The following TECPR2 variants were observed in gnomAD, a reference collection of about 807,000 sequenced individuals.
The protein encoded by TECPR2 is tectonin beta-propeller repeat-containing protein 2.
A neutral mutation model predicts 138.1 loss-of-function variants in TECPR2; 65 were observed. The observed-to-expected ratio is 0.47, with a 90% confidence interval of 0.39 to 0.58. TECPR2 has a LOEUF of 0.58. Among genes scored for constraint, TECPR2 ranks in the 20% least tolerant of loss-of-function variants. TECPR2 has a pLI of 0.00. For missense variants in TECPR2, 1,553 were observed against 1,824.5 expected (o/e 0.85, Z 2.71); for synonymous variants, 746 against 749.8 (o/e 0.99, Z 0.08).
In TECPR2 at chr14:102,438,143, G is replaced by A. The variant is rs1453597319; in HGVS notation, c.2516G>A (p.Gly839Asp). The A allele has an allele frequency of 1.9e-6, 3 of 1,613,556 alleles. No individual in the cohort carries two copies. The African/African-American group carries it at 4.0e-5, about 22-fold the overall frequency. Residue 839 changes from glycine to aspartate, a missense_variant, in exon 10 of 20, where the codon GGC (glycine) becomes GAC (aspartate). By Grantham distance (94) the Gly-to-Asp change is moderately conservative. Transcript: ENST00000359520. The part of the protein sequence containing the change: ...KGGLFCSALP[G>D]AGLRWQKFED... Reference sequence around the variant, plus strand: ...GGCCTGTTCTGCAGCGCGTTGCCGGGCGCCGGGCTGCGCTGGCAGAAGTTT... The same window carrying A: ...GGCCTGTTCTGCAGCGCGTTGCCGGACGCCGGGCTGCGCTGGCAGAAGTTT...
At chr14:102,413,522 G>T (rs1376260581) in intron 4 of TECPR2, among the ~76,000 whole-genome samples, 5 of 151,854 alleles carry the variant, frequency 3.3e-5, no homozygotes, top group Non-Finnish European at 7.4e-5. Flanking sequence ...GGGATTACAG[G>T]CATGTGCCAC....
intron 4 of TECPR2, among the ~76,000 whole-genome samples, chr14:102,410,476 A>AAT (rs1888804527): frequency 1.4e-5 from 1 of 73,062 alleles, no homozygotes; most frequent in Non-Finnish European, 3.6e-5. Context: ...AAATTAAAAA[A>AAT]AAAAATAAAA....
intron 12 of TECPR2, among the ~76,000 whole-genome samples, chr14:102,445,241 G>A (rs1595130134): frequency 6.6e-6 from 1 of 152,222 alleles, no homozygotes; most frequent in South Asian, 2.1e-4. Context: ...GGGGGAGGGC[G>A]TCTCCAGCAA....
intron 17 of TECPR2, among the ~76,000 whole-genome samples, chr14:102,477,717 A>T (rs1328305395): frequency 2.6e-5 from 3 of 117,206 alleles, no homozygotes; most frequent in South Asian, 3.1e-4. Context: ...TGCCCGGCAA[A>T]TTTTTTTTTT....
intron 2 of TECPR2, 54 bp from the exon 3 acceptor site, chr14:102,407,284 A>T: frequency 6.5e-7 from 1 of 1,531,910 alleles, no homozygotes; most frequent in East Asian, 2.3e-5. Flanking sequence ...TCCTTGTTTT[A>T]CATTTTCAAA....
In TECPR2 at chr14:102,440,584, C is replaced by T. The variant is rs747326662; in HGVS notation, c.2727C>T (p.Thr909=). The T allele has an allele frequency of 6.2e-7, 1 of 1,613,978 alleles. No individual in the cohort carries two copies. ...ATGACACGGCCTGGATCATCAGGAC[C>T]AGTGGGGACCTATACTTGCAGACAG... ...LSDDTAWIIR[T]SGDLYLQTGL... The change falls in exon 11 of 20, where the codon ACC becomes ACT. Residue 909 remains threonine, a synonymous_variant. Transcript: ENST00000359520.
chr14:102,434,571 C>T lies in TECPR2; in HGVS notation c.1754C>T (p.Ala585Val), dbSNP rs752275817. The stretch of plus-strand genomic sequence containing the variant: ...CATGGGCGGGAGCTGCTCAATGGAG[C>T]GAGGGAAGATGTGGGAGGCAGTGAT... ...HAHGRELLNG[A>V]REDVGGSDVT... The change falls in exon 9 of 20, where the codon GCG becomes GTG. Residue 585 changes from alanine to valine, a missense_variant. Physicochemically the swap from Ala to Val is moderately conservative, Grantham distance 64. Coordinates refer to ENST00000359520, the MANE Select transcript of TECPR2 (RefSeq NM_014844.5). The T allele has an allele frequency of 2.2e-5, 35 of 1,557,264 alleles. No individual in the cohort carries two copies. Among genetic ancestry groups the T allele is most frequent in the African/African-American group, 2.7e-5 (2 of 73,752 alleles).
At chr14:102,394,476 C>G (rs918349514) in intron 2 of TECPR2, among the ~76,000 whole-genome samples, 1 of 152,122 alleles carries the variant, frequency 6.6e-6, no homozygotes, top group African/African-American at 2.4e-5. Flanking sequence ...GTGGCACACA[C>G]TTGTATTCCC....
chr14:102,497,852 C>T, intron 19 of TECPR2, 133 bp downstream of exon 19: 1 of 1,283,414 alleles, frequency 7.8e-7, no homozygotes, highest in Admixed American at 2.7e-5. Flanking sequence ...AGGGCAAAGC[C>T]AGGAGTGTGT....
At chr14:102,434,118 C>T in intron 8 of TECPR2, 117 bp from the exon 9 acceptor site, 1 of 940,842 alleles carries the variant, frequency 1.1e-6, no homozygotes, top group Non-Finnish European at 1.4e-6. Flanking sequence ...ATTCTTCATT[C>T]ACCAAATATC....
chr14:102,463,143 G>A (rs761404986), intron 16 of TECPR2, among the ~76,000 whole-genome samples: 16 of 152,146 alleles, frequency 1.1e-4, no homozygotes, highest in Admixed American at 6.5e-5. Context: ...GAAACAGGCC[G>A]GGCGCAGTGG....
At chr14:102,497,515 C>A in intron 18 of TECPR2, 55 bp from the exon 19 acceptor site, 2 of 1,428,838 alleles carry the variant, frequency 1.4e-6, no homozygotes, top group South Asian at 1.6e-5. Context: ...GCTTGGGAAG[C>A]AGCGGCCCAT....
At chr14:102,395,247 A>G (rs1252084480) in intron 2 of TECPR2, among the ~76,000 whole-genome samples, 1 of 152,106 alleles carries the variant, frequency 6.6e-6, no homozygotes, top group Non-Finnish European at 1.5e-5. Context: ...GACCTACTTT[A>G]TTTTGTATTG....
rs146405707 is a variant in TECPR2, at chr14:102,417,045, C to T, written c.638+2252C>T. ...GGCCCTTTAACCTCTTGTGTGGAGA[C>T]CCAGGCAGTTTCTGTAAACCTCTCC... On this transcript the variant is annotated intron_variant, in intron 5 of 19. Transcript: ENST00000359520. 3.4e-3 allele frequency among the ~76,000 whole-genome samples: 517 copies of T among 152,206 alleles called. 5 individuals carry two copies. Among genetic ancestry groups the T allele is most frequent in the African/African-American group, 0.012 (488 of 41,536 alleles).
intron 1 of TECPR2, among the ~76,000 whole-genome samples, chr14:102,371,657 T>G (rs1887512378): frequency 6.6e-6 from 1 of 152,236 alleles, no homozygotes; most frequent in South Asian, 2.1e-4. Context: ...CAAGGCAGTT[T>G]GGCAATACAT....
At position 102,499,291 on chromosome 14, in the gene TECPR2, C is replaced by G. The variant is rs996582697; in HGVS notation, c.*1034C>G. ...CGGACATCCTAAAACCAGATGCATC[C>G]TCAGAGGACGAGTCTACTAATTATT... On this transcript the variant is annotated 3_prime_UTR_variant, in exon 20 of 20. Coordinates refer to ENST00000359520, the MANE Select transcript of TECPR2 (RefSeq NM_014844.5). The G allele has an allele frequency of 7.9e-6, 5 of 633,350 alleles. No individual in the cohort carries two copies. Among genetic ancestry groups the G allele is most frequent in the Admixed American group, 7.0e-5 (3 of 43,030 alleles). The allele number at this position is 633,350 out of a possible 1,614,324, so 39.2% of individuals were successfully genotyped here. A position where few individuals can be genotyped will look rare whatever the true frequency, so the allele number is the denominator to read the frequency against.
Position 102,496,779 on chromosome 14 carries a change from C to G in TECPR2, c.3790-200C>G, listed in dbSNP as rs111423280. 3.0e-3 allele frequency: 2,252 copies of G among 753,734 alleles called. 53 individuals are homozygous for G. In the African/African-American group the frequency reaches 0.035, roughly 12 times the overall value. 46.7% of individuals were successfully genotyped at this position (753,734 alleles called of 1,614,324 possible). A position where few individuals can be genotyped will look rare whatever the true frequency, so the allele number is the denominator to read the frequency against. ...TCTGCTGGGCTGTCCCTCAGTCTGG[C>G]CCACCTGACATTCTGGAGACAAGTG... On this transcript the variant is annotated intron_variant, in intron 17 of 19. Transcript: ENST00000359520.
chr14:102,451,003 CCTT>C (rs770298202), intron 15 of TECPR2, among the ~76,000 whole-genome samples: 1 of 152,246 alleles, frequency 6.6e-6, no homozygotes. Context: ...CCTCGAGAAT[CCTT>C]CTGTCACCTC....
chr14:102,484,639 TTC>T (rs1322139059), intron 17 of TECPR2, among the ~76,000 whole-genome samples: 2 of 151,776 alleles, frequency 1.3e-5, no homozygotes, highest in African/African-American at 4.8e-5. Flanking sequence ...CCTCCCCTCA[TTC>T]TCTCTGTCCT....
Sources: allele counts gnomAD v4.1 joint callset (sites outside exome capture counted in the v4.1 genomes callset), GRCh38; gene constraint gnomAD v4.1.1; transcripts MANE v1.5; gene names NCBI Gene and HGNC (gene_info 2026-07-23, HGNC 2026-07-21).